ZNF644: variants seen among roughly 807,000 people sequenced by gnomAD.
ZNF644 encodes zinc finger protein 644.
Under a neutral mutation model 108.0 loss-of-function variants are expected in ZNF644, and 20 were observed. That is an observed-to-expected ratio of 0.19 (90% CI 0.13 to 0.27). The LOEUF (loss-of-function observed/expected upper bound fraction) is 0.27. Among genes scored for constraint, ZNF644 ranks in the 10% least tolerant of loss-of-function variants. The pLI is 1.00. For synonymous variants in ZNF644, 542 were observed against 539.1 expected (o/e 1.01, Z -0.08); for missense variants, 1,338 against 1,548.9 (o/e 0.86, Z 2.29).
chr1:90,977,219 T>C (rs532932903), intron 2 of ZNF644, among the ~76,000 whole-genome samples: 1 of 152,282 alleles, frequency 6.6e-6, no homozygotes, highest in African/African-American at 2.4e-5. Context: ...TTAATGAACC[T>C]AATATTTAGT....
intron 1 of ZNF644, among the ~76,000 whole-genome samples, chr1:91,004,389 C>T (rs1056365700): frequency 1.6e-4 from 24 of 152,222 alleles, no homozygotes; most frequent in African/African-American, 4.8e-4. Flanking sequence ...CCATGGAGGC[C>T]GGATGGCAAT....
chr1:90,982,387 C>A lies in ZNF644; in HGVS notation c.-17-17G>T. 3.1e-6 allele frequency: 5 copies of A among 1,596,176 alleles called. No individual in the cohort carries two copies. Among genetic ancestry groups the A allele is most frequent in the Non-Finnish European group, 4.3e-6 (5 of 1,167,022 alleles). On this transcript the variant is annotated splice_polypyrimidine_tract_variant and intron_variant, in intron 1 of 5. Coordinates refer to ENST00000337393, the MANE Select transcript of ZNF644 (RefSeq NM_201269.3). ...AAATCAAACCTGAAAGAAATACACA[C>A]AATGACCAAGGTTTAATTTTTTGTT... is the stretch of plus-strand genomic sequence containing the variant.
intron 4 of ZNF644, among the ~76,000 whole-genome samples, chr1:90,934,310 C>A (rs534868992): frequency 1.3e-5 from 2 of 151,976 alleles, no homozygotes; most frequent in South Asian, 4.2e-4. Flanking sequence ...TTTTTGAAAG[C>A]AAGAACATAT....
At chr1:90,917,576 C>T in intron 5 of ZNF644, among the ~76,000 whole-genome samples, 1 of 152,156 alleles carries the variant, frequency 6.6e-6, no homozygotes, top group Admixed American at 6.5e-5. Context: ...CGGCCCACTG[C>T]AACCTCTGCC....
At chr1:90,968,060 CAAAAAAA>C (rs763728133) in intron 2 of ZNF644, among the ~76,000 whole-genome samples, 7 of 67,244 alleles carry the variant, frequency 1.0e-4, no homozygotes, top group African/African-American at 4.4e-4. Flanking sequence ...GACTCCGTCT[CAAAAAAA>C]AAAAAAAAAA....
At chr1:90,993,317 C>A (rs1002418377) in intron 1 of ZNF644, among the ~76,000 whole-genome samples, 1 of 151,522 alleles carries the variant, frequency 6.6e-6, no homozygotes, top group African/African-American at 2.4e-5. Flanking sequence ...TATAGGCCAT[C>A]CTAGATCAAC....
chr1:90,958,000 TAAGAA>T (rs1156375103), intron 2 of ZNF644, among the ~76,000 whole-genome samples: 1 of 151,406 alleles, frequency 6.6e-6, no homozygotes, highest in East Asian at 1.9e-4. Flanking sequence ...AAAAGAAAAT[TAAGAA>T]AATAAATCCA....
At chr1:90,993,197 C>T (rs1657808415) in intron 1 of ZNF644, among the ~76,000 whole-genome samples, 2 of 152,100 alleles carry the variant, frequency 1.3e-5, no homozygotes, top group South Asian at 4.2e-4. Flanking sequence ...CTGCTCTTTC[C>T]TTCAAAACCT....
rs1350994433 is a variant in ZNF644 at position 91,018,913 on chromosome 1, G to A, written c.-18+3077C>T. On this transcript the variant is annotated intron_variant, in intron 1 of 5. Transcript: ENST00000337393. Reference sequence around the variant, plus strand: ...TGGAAAATGTTTAAGGTTGGCAGGTGACAGACCACTTTATAACTACAAATA... The same window carrying A: ...TGGAAAATGTTTAAGGTTGGCAGGTAACAGACCACTTTATAACTACAAATA... Among the ~76,000 whole-genome samples, 5 of 152,294 alleles carry A rather than the reference G, an allele frequency of 3.3e-5. No homozygotes were observed. The East Asian group carries it at 9.6e-4, about 29-fold the overall frequency.
chr1:91,006,877 TA>T (rs1340053502), intron 1 of ZNF644, among the ~76,000 whole-genome samples: 1 of 152,088 alleles, frequency 6.6e-6, no homozygotes, highest in Non-Finnish European at 1.5e-5. Context: ...TTGAAGTAAA[TA>T]TTCTAACAAC....
chr1:90,916,687 C>G lies in ZNF644; in HGVS notation c.*111G>C. Reference sequence around the variant, plus strand: ...CTGATGTCACTGTAATTCACTTTCCCCCCATTTTCCTGCTTTAGTATTTAT... The same window carrying G: ...CTGATGTCACTGTAATTCACTTTCCGCCCATTTTCCTGCTTTAGTATTTAT... On this transcript the variant is annotated 3_prime_UTR_variant, in exon 6 of 6. Coordinates refer to ENST00000337393, the MANE Select transcript of ZNF644 (RefSeq NM_201269.3). The G allele has an allele frequency of 8.5e-7, 1 of 1,183,068 alleles. No homozygotes were observed. The highest frequency in any genetic ancestry group is 1.3e-5 in the South Asian group (1 of 75,998). 73.3% of individuals were successfully genotyped at this position (1,183,068 alleles called of 1,614,324 possible).
At chr1:91,015,305 C>G (rs1427492665) in intron 1 of ZNF644, among the ~76,000 whole-genome samples, 2 of 152,070 alleles carry the variant, frequency 1.3e-5, no homozygotes, top group South Asian at 4.1e-4. Context: ...ATATACAAAA[C>G]AAAGTGTGGA....
intron 1 of ZNF644, among the ~76,000 whole-genome samples, chr1:91,013,500 C>CAT (rs1287940683): frequency 6.6e-6 from 1 of 151,098 alleles, no homozygotes; most frequent in East Asian, 1.9e-4. Context: ...CACACACACA[C>CAT]ATATACACAC....
chr1:90,942,112 T>C (rs112820458), intron 2 of ZNF644, among the ~76,000 whole-genome samples: 3,053 of 152,258 alleles, frequency 0.02, 84 homozygotes, highest in African/African-American at 0.07. Flanking sequence ...CTTTCATATG[T>C]GGGGCCTCAA....
At chr1:90,936,724 A>G (rs1384936374) in intron 4 of ZNF644, among the ~76,000 whole-genome samples, 1 of 152,196 alleles carries the variant, frequency 6.6e-6, no homozygotes. Flanking sequence ...AGTATAAACC[A>G]CACTTGGCAA....
At chr1:90,997,994 G>C (rs2101641447) in intron 1 of ZNF644, among the ~76,000 whole-genome samples, 1 of 152,258 alleles carries the variant, frequency 6.6e-6, no homozygotes, top group Middle Eastern at 3.4e-3. Flanking sequence ...CAGCGAGGCT[G>C]GGGGAGGGGT....
Position 90,926,452 on chromosome 1 carries a change from G to C in ZNF644, c.3689-8298C>G, listed in dbSNP as rs116312429. On this transcript the variant is annotated intron_variant, in intron 4 of 5. Transcript: ENST00000337393. ...TTTGAAGGGCTTGCTTTTGGTCTCT[G>C]TCTGAGGATACACTTCCAAGCCTGC... Among the ~76,000 whole-genome samples, 430 of 152,254 alleles carry C rather than the reference G, an allele frequency of 2.8e-3. 1 individual carries two copies. Among genetic ancestry groups the C allele is most frequent in the African/African-American group, 9.9e-3 (412 of 41,548 alleles).
chr1:90,928,089 G>A lies in ZNF644; in HGVS notation c.3688+9396C>T, dbSNP rs530333206. The stretch of plus-strand genomic sequence containing the variant: ...TCAAACTCCTGACCTCAGGTGATCC[G>A]CCTGCCTCGGCCTCCCAAAGTGCTT... On this transcript the variant is annotated intron_variant, in intron 4 of 5. Transcript: ENST00000337393. Among the ~76,000 whole-genome samples, 7 of 151,842 alleles carry A rather than the reference G, an allele frequency of 4.6e-5. No homozygotes were observed. The South Asian group carries it at 6.2e-4, about 14-fold the overall frequency.
chr1:90,982,723 T>C (rs761147244), intron 1 of ZNF644, among the ~76,000 whole-genome samples: 2 of 152,116 alleles, frequency 1.3e-5, no homozygotes, highest in Non-Finnish European at 2.9e-5. Context: ...TAGATCAGTA[T>C]TTATTTAATA....
Sources: allele counts gnomAD v4.1 joint callset (sites outside exome capture counted in the v4.1 genomes callset), GRCh38; gene constraint gnomAD v4.1.1; transcripts MANE v1.5; gene names NCBI Gene and HGNC (gene_info 2026-07-23, HGNC 2026-07-21).